RCOR1: variants seen among roughly 807,000 people sequenced by gnomAD.
RCOR1 encodes REST corepressor 1, also known as REST corepressor.
Under a neutral mutation model 64.0 loss-of-function variants are expected in RCOR1, and 12 were observed. The ratio of observed to expected loss-of-function variants is 0.19; its 90% CI spans 0.12 to 0.30. The LOEUF (loss-of-function observed/expected upper bound fraction) is 0.30. Ranked by LOEUF, RCOR1 falls within the 10% of genes least tolerant of loss-of-function variation. The probability of loss-of-function intolerance (pLI) is 1.00; values close to 1 mark genes in which losing one functional copy is unlikely to be tolerated. For synonymous variants in RCOR1, 279 were observed against 227.2 expected (o/e 1.23, Z -2.05); for missense variants, 502 against 621.2 (o/e 0.81, Z 2.04).
Position 102,714,540 on chromosome 14 carries a change from G to T in RCOR1, c.976G>T (p.Ala326Ser), listed in dbSNP as rs1896026387. ...GMFLSQEDVE[A>S]VSANATAATT... The stretch of plus-strand genomic sequence containing the variant: ...GTTTCTTTCTCAAGAAGATGTGGAG[G>T]CTGTTTCTGCCAATGCCACTGCTGC... Residue 326 changes from alanine to serine, a missense_variant, in exon 8 of 12, where the codon GCT becomes TCT. Coordinates refer to ENST00000262241, the MANE Select transcript of RCOR1 (RefSeq NM_015156.4). 1 of 1,613,934 alleles carries T rather than the reference G, an allele frequency of 6.2e-7. No individual in the cohort carries two copies. Among genetic ancestry groups the T allele is most frequent in the African/African-American group, 1.3e-5 (1 of 74,918 alleles).
At chr14:102,650,483 G>T (rs181490661) in intron 2 of RCOR1, among the ~76,000 whole-genome samples, 1,541 of 152,280 alleles carry the variant, frequency 0.01, 16 homozygotes, top group Admixed American at 0.015. Context: ...AATAAAGCTT[G>T]AAGGATCAGA....
intron 2 of RCOR1, among the ~76,000 whole-genome samples, chr14:102,607,348 T>A (rs1893532077): frequency 6.6e-6 from 1 of 152,222 alleles, no homozygotes; most frequent in African/African-American, 2.4e-5. Context: ...ATCCCTATTG[T>A]CTCTTGCTTT....
rs1369794111 is a variant in RCOR1, at chr14:102,726,344, AG to A, written c.1420-123del. 2.3e-4 allele frequency: 172 copies of A among 763,964 alleles called. No individual in the cohort carries two copies. In the African/African-American group the frequency reaches 2.5e-3, roughly 11 times the overall value. The allele number at this position is 763,964 out of a possible 1,614,324, so 47.3% of individuals were successfully genotyped here. ...TGTCTCCCCTCCAAAAAAAAAAAAAAGAACTCGGTGTTTGCTCTGCAGGTTT... is the reference window on the plus strand; with the variant it reads ...TGTCTCCCCTCCAAAAAAAAAAAAAAAACTCGGTGTTTGCTCTGCAGGTTT... On this transcript the variant is annotated intron_variant, in intron 11 of 11. Coordinates refer to ENST00000262241, the MANE Select transcript of RCOR1 (RefSeq NM_015156.4).
rs1313919785 is a variant in RCOR1 at position 102,592,959 on chromosome 14, G to GCCT, written c.76_78dup (p.Ser26dup). 8.5e-6 allele frequency: 10 copies of GCCT among 1,171,274 alleles called. No homozygotes were observed. Among genetic ancestry groups the GCCT allele is most frequent in the African/African-American group, 1.6e-5 (1 of 60,782 alleles). 72.6% of individuals were successfully genotyped at this position (1,171,274 alleles called of 1,614,324 possible). On this transcript the variant is annotated inframe_insertion, in exon 1 of 12. Transcript: ENST00000262241. The stretch of plus-strand genomic sequence containing the variant: ...AGGGAGGAACAACGCGGCCGCCTCC[G>GCCT]CCTCCGCCGCCGCCGCCTCCGCCGC...
intron 2 of RCOR1, among the ~76,000 whole-genome samples, chr14:102,666,734 A>T (rs1894921905): frequency 6.6e-6 from 1 of 152,134 alleles, no homozygotes. Flanking sequence ...TACTAAGGTT[A>T]TGAGTTTGGG....
chr14:102,687,605 A>G (rs1344492348), intron 3 of RCOR1, among the ~76,000 whole-genome samples: 3 of 152,248 alleles, frequency 2.0e-5, no homozygotes, highest in African/African-American at 7.2e-5. Flanking sequence ...TTAAGTGATC[A>G]TGGAAAATTA....
At chr14:102,634,950 C>T (rs1339237029) in intron 2 of RCOR1, among the ~76,000 whole-genome samples, 3 of 151,392 alleles carry the variant, frequency 2.0e-5, no homozygotes, top group South Asian at 2.1e-4. Flanking sequence ...TCAGGTGATC[C>T]GCCCACCTCG....
Position 102,653,966 on chromosome 14 carries a change from TCTTTCTTTCTTTC to T in RCOR1, c.362-27928_362-27916del, listed in dbSNP as rs1567423394. On this transcript the variant is annotated intron_variant, in intron 2 of 11. Transcript: ENST00000262241. The stretch of plus-strand genomic sequence containing the variant: ...TTCTTTCTTTCTTTCTTTCTTTCTT[TCTTTCTTTCTTTC>T]TTTCTTTTTTTTTTTTTTTTTTTTG... 4.8e-3 allele frequency among the ~76,000 whole-genome samples: 272 copies of T among 56,638 alleles called. 12 individuals are homozygous for T. Among genetic ancestry groups the T allele is most frequent in the Middle Eastern group, 7.1e-3 (1 of 140 alleles). The allele number at this position is 56,638 out of a possible 152,430, so 37.2% of individuals were successfully genotyped here.
intron 4 of RCOR1, among the ~76,000 whole-genome samples, chr14:102,705,171 A>G (rs1269482277): frequency 3.3e-5 from 5 of 152,146 alleles, no homozygotes; most frequent in Non-Finnish European, 4.4e-5. Flanking sequence ...CCTCACACCA[A>G]TATGGGATAA....
intron 2 of RCOR1, among the ~76,000 whole-genome samples, chr14:102,600,904 C>T (rs938130529): frequency 2.0e-5 from 3 of 147,264 alleles, no homozygotes; most frequent in African/African-American, 7.4e-5. Context: ...GATGGTATTT[C>T]GCTGGCTGGG....
intron 1 of RCOR1, 30 bp from the exon 2 acceptor site, chr14:102,593,236 G>C (rs1893171182): frequency 3.4e-6 from 5 of 1,492,024 alleles, no homozygotes; most frequent in Admixed American, 5.0e-5. Flanking sequence ...CCCGCGCCGC[G>C]CTGACCGCCG....
intron 7 of RCOR1, 148 bp from the exon 8 acceptor site, chr14:102,714,275 T>C: frequency 2.0e-6 from 1 of 496,490 alleles, no homozygotes; most frequent in East Asian, 3.0e-5. Context: ...GTGAACTGCC[T>C]GTTAGAATTT....
Position 102,696,130 on chromosome 14 carries a change from G to A in RCOR1, c.446-5148G>A, listed in dbSNP as rs1895644369. Among the ~76,000 whole-genome samples, 3 of 151,988 alleles carry A rather than the reference G, an allele frequency of 2.0e-5. No homozygotes were observed. In the South Asian group the frequency reaches 6.2e-4, roughly 31 times the overall value. On this transcript the variant is annotated intron_variant, in intron 3 of 11. Coordinates refer to ENST00000262241, the MANE Select transcript of RCOR1 (RefSeq NM_015156.4). ...TCTGATGACTTGGCATTCCCATACT[G>A]TCCTACATCTGTGTTGTTATTTCGT...
At chr14:102,715,389 ATTTTGT>A (rs1458662492) in intron 8 of RCOR1, among the ~76,000 whole-genome samples, 1 of 139,282 alleles carries the variant, frequency 7.2e-6, no homozygotes, top group Non-Finnish European at 1.6e-5. Context: ...TTTTAATTTT[ATTTTGT>A]TTTTGAGACA....
At chr14:102,593,213 C>T (rs1326537292) in intron 1 of RCOR1, 26 bp downstream of exon 1, 3 of 1,476,674 alleles carry the variant, frequency 2.0e-6, no homozygotes, top group Non-Finnish European at 2.7e-6. Flanking sequence ...CCCCGCGGCC[C>T]CGGGCCCCGC....
At chr14:102,691,365 C>CA (rs1895529783) in intron 3 of RCOR1, among the ~76,000 whole-genome samples, 1 of 152,096 alleles carries the variant, frequency 6.6e-6, no homozygotes, top group Non-Finnish European at 1.5e-5. Context: ...CTGAGTGAGT[C>CA]ATGGGTTCAT....
chr14:102,685,309 A>AT (rs970994798), intron 3 of RCOR1, among the ~76,000 whole-genome samples: 15 of 151,114 alleles, frequency 9.9e-5, no homozygotes, highest in South Asian at 2.1e-4. Flanking sequence ...CAGTTATCTA[A>AT]TTTTTTTTTA....
At chr14:102,617,195 T>C (rs1347933866) in intron 2 of RCOR1, among the ~76,000 whole-genome samples, 1 of 152,210 alleles carries the variant, frequency 6.6e-6, no homozygotes, top group Non-Finnish European at 1.5e-5. Context: ...GCATGCAGTT[T>C]TTTACCTTAG....
Position 102,694,521 on chromosome 14 carries a change from C to T in RCOR1, c.446-6757C>T, listed in dbSNP as rs148930849. 9.4e-3 allele frequency among the ~76,000 whole-genome samples: 1,433 copies of T among 152,248 alleles called. 24 individuals carry two copies. Among genetic ancestry groups the T allele is most frequent in the African/African-American group, 0.033 (1,357 of 41,554 alleles). On this transcript the variant is annotated intron_variant, in intron 3 of 11. Transcript: ENST00000262241. ...CAATCTCCTGACCTGGTGATCCACC[C>T]GCCTCGTCCTCCCAAAGTGCTAGGA...
Sources: gnomAD v4.1 joint callset for allele counts (sites outside exome capture counted in the v4.1 genomes callset) on GRCh38, gnomAD v4.1.1 for gene constraint, MANE v1.5 for transcripts, NCBI Gene and HGNC (gene_info 2026-07-23, HGNC 2026-07-21) for gene names.